PLOD2: variants seen among roughly 807,000 people sequenced by gnomAD.
PLOD2 encodes lysine hydroxylase 2.
Under a neutral mutation model 101.0 loss-of-function variants are expected in PLOD2, and 65 were observed. The ratio of observed to expected loss-of-function variants is 0.64; its 90% CI spans 0.53 to 0.79. PLOD2 has a LOEUF of 0.79. Among genes scored for constraint, PLOD2 ranks in the 30% least tolerant of loss-of-function variants. PLOD2 has a pLI of 0.00. For missense variants in PLOD2, 909 were observed against 914.6 expected, an observed-to-expected ratio of 0.99 and a Z score of 0.08; for synonymous variants, 314 against 302.9, an observed-to-expected ratio of 1.04 and a Z score of -0.38.
intron 4 of PLOD2, among the ~76,000 whole-genome samples, chr3:146,108,249 T>C (rs1347269283): frequency 6.6e-6 from 1 of 152,176 alleles, no homozygotes; most frequent in Non-Finnish European, 1.5e-5. Context: ...GGTGCACTCA[T>C]GGCTCACTGC....
chr3:146,110,435 A>G lies in PLOD2; in HGVS notation c.352T>C (p.Phe118Leu). 1 of 1,612,440 alleles carries G rather than the reference A, an allele frequency of 6.2e-7. No homozygotes were observed. The highest frequency in any genetic ancestry group is 1.3e-5 in the African/African-American group (1 of 74,838). The change falls in exon 4 of 20, where the codon TTT (phenylalanine) becomes CTT (leucine). Residue 118 changes from phenylalanine (F) to leucine (L), a missense_variant. Phe to Leu is a conservative substitution (Grantham distance 22). Transcript: ENST00000282903. ...AGAACTTCTTCTGGACCACCAGCAA[A>G]TATGACATCAAAGCTGTTCAATGAG... is the stretch of plus-strand genomic sequence containing the variant. ...VMFTECFDVIFAGGPEEVLKK... is the reference protein window; with the variant it reads ...VMFTECFDVILAGGPEEVLKK...
intron 1 of PLOD2, among the ~76,000 whole-genome samples, chr3:146,150,222 T>C (rs1281667652): frequency 2.0e-5 from 3 of 152,200 alleles, no homozygotes; most frequent in Non-Finnish European, 2.9e-5. Flanking sequence ...GATTTCGTTT[T>C]TATTTGCCAT....
intron 5 of PLOD2, among the ~76,000 whole-genome samples, chr3:146,105,602 T>C (rs1937522933): frequency 6.6e-6 from 1 of 152,220 alleles, no homozygotes; most frequent in Non-Finnish European, 1.5e-5. Flanking sequence ...TTTATTCACA[T>C]GTCATTTCAA....
rs552390630 is a variant in PLOD2 at position 146,118,203 on chromosome 3, T to C, written c.338+2909A>G. ...ATTTTAATGAACTTGGTATTCTTTT[T>C]CTAAGTGTAAAAAAAATAACAAATG... On this transcript the variant is annotated intron_variant, in intron 3 of 19. Transcript: ENST00000282903. Among the ~76,000 whole-genome samples, 9 of 152,246 alleles carry C rather than the reference T, an allele frequency of 5.9e-5. No homozygotes were observed. The East Asian group carries it at 1.4e-3, about 23-fold the overall frequency.
At chr3:146,160,854 G>C in intron 1 of PLOD2, 27 bp downstream of exon 1, 1 of 1,434,032 alleles carries the variant, frequency 7.0e-7, no homozygotes, top group East Asian at 2.4e-5. Flanking sequence ...AGCCTCGCGG[G>C]ACAGCGGCGG....
Position 146,160,935 on chromosome 3 carries a change from G to A in PLOD2, c.55C>T (p.Pro19Ser). 1.9e-6 allele frequency: 3 copies of A among 1,600,874 alleles called. No homozygotes were observed. Among genetic ancestry groups the A allele is most frequent in the Non-Finnish European group, 2.6e-6 (3 of 1,174,180 alleles). Residue 19 changes from proline to serine, a missense_variant, in exon 1 of 20, where the codon CCC (proline) becomes TCC (serine). Transcript: ENST00000282903. The part of the protein sequence containing the change: ...QLLLLALVLH[P>S]WNPCLGADSE... ...TCCGCACCCAGACAGGGATTCCAGG[G>A]GTGGAGGACGAGCGCCAGGAGCAGC...
intron 3 of PLOD2, among the ~76,000 whole-genome samples, chr3:146,116,366 T>C (rs1355802922): frequency 2.6e-5 from 4 of 152,096 alleles, no homozygotes; most frequent in African/African-American, 9.7e-5. Flanking sequence ...AATTATTTTA[T>C]AAATTTTGGA....
At chr3:146,123,147 G>A (rs1576612293) in intron 2 of PLOD2, 2 of 199,418 alleles carry the variant, frequency 1.0e-5, no homozygotes, top group Non-Finnish European at 2.0e-5. Flanking sequence ...TATTCCAGTG[G>A]TTATTTAATA....
intron 7 of PLOD2, among the ~76,000 whole-genome samples, chr3:146,101,478 G>A (rs1937387929): frequency 6.6e-6 from 1 of 152,150 alleles, no homozygotes; most frequent in African/African-American, 2.4e-5. Flanking sequence ...ATTCAAGTAG[G>A]ACCAAACGAA....
intron 7 of PLOD2, among the ~76,000 whole-genome samples, chr3:146,096,870 G>A (rs1427214141): frequency 1.1e-4 from 8 of 73,866 alleles, no homozygotes; most frequent in African/African-American, 1.7e-4. Context: ...TGCCCCGTCC[G>A]GGAGGGAGGT....
At chr3:146,072,702 C>T (rs764143256) in intron 16 of PLOD2, 37 bp from the exon 17 acceptor site, 11 of 1,216,806 alleles carry the variant, frequency 9.0e-6, no homozygotes, top group Non-Finnish European at 1.3e-5. Flanking sequence ...GACATAATAA[C>T]TTCTGTGTCT....
At chr3:146,158,610 C>CG (rs2108153668) in intron 1 of PLOD2, among the ~76,000 whole-genome samples, 1 of 151,840 alleles carries the variant, frequency 6.6e-6, no homozygotes, top group East Asian at 1.9e-4. Flanking sequence ...ATAGATTAGT[C>CG]TAATCCAGGG....
At chr3:146,077,013 C>A (rs1936370548) in intron 14 of PLOD2, 118 bp from the exon 15 acceptor site, 3 of 1,267,636 alleles carry the variant, frequency 2.4e-6, no homozygotes, top group South Asian at 1.7e-5. Context: ...TATGAACATG[C>A]ATTTTTAGTA....
intron 6 of PLOD2, among the ~76,000 whole-genome samples, chr3:146,103,645 G>T (rs886227348): frequency 6.6e-6 from 1 of 151,710 alleles, no homozygotes; most frequent in Non-Finnish European, 1.5e-5. Flanking sequence ...TTACTAAATG[G>T]ACTGACTTGA....
rs1482204845 is a variant in PLOD2, at chr3:146,160,758, T to C, written c.109+123A>G. 1.9e-5 allele frequency: 13 copies of C among 684,582 alleles called. No individual in the cohort carries two copies. The Admixed American group carries it at 2.0e-4, about 10-fold the overall frequency. The allele number at this position is 684,582 out of a possible 1,614,324, so 42.4% of individuals were successfully genotyped here. On this transcript the variant is annotated intron_variant, in intron 1 of 19. Coordinates refer to ENST00000282903, the MANE Select transcript of PLOD2 (RefSeq NM_182943.3). ...ATTCTGGGGAAGACCCCGGCGGTCC[T>C]GGAGAGGAGGGACAGGCCCCCACTA... is the stretch of plus-strand genomic sequence containing the variant.
chr3:146,105,085 A>G (rs534474648), intron 5 of PLOD2: 1 of 152,372 alleles, frequency 6.6e-6, no homozygotes, highest in East Asian at 1.9e-4. Flanking sequence ...GTGGAGCAAC[A>G]AAAGAGCTAT....
intron 1 of PLOD2, among the ~76,000 whole-genome samples, chr3:146,135,810 A>G (rs1169342040): frequency 6.6e-6 from 1 of 152,142 alleles, no homozygotes; most frequent in Non-Finnish European, 1.5e-5. Context: ...GTACAGACAT[A>G]TAATATTCTG....
intron 1 of PLOD2, chr3:146,160,670 C>G: frequency 1.8e-6 from 1 of 563,498 alleles, no homozygotes; most frequent in Non-Finnish European, 3.2e-6. Flanking sequence ...ACCGAGAACT[C>G]CAAGGAGTCA....
chr3:146,101,301 C>T (rs2108051522), intron 7 of PLOD2, among the ~76,000 whole-genome samples: 1 of 152,294 alleles, frequency 6.6e-6, no homozygotes, highest in Non-Finnish European at 1.5e-5. Flanking sequence ...AGACAGGCCC[C>T]TGTGAACATT....
Sources: gnomAD v4.1 joint callset for allele counts (sites outside exome capture counted in the v4.1 genomes callset) on GRCh38, gnomAD v4.1.1 for gene constraint, MANE v1.5 for transcripts, NCBI Gene and HGNC (gene_info 2026-07-23, HGNC 2026-07-21) for gene names.